CENPA: variants seen among roughly 807,000 people sequenced by gnomAD.
The protein encoded by CENPA is histone H3-like centromeric protein A.
CENPA carries 7 observed loss-of-function variants against 17.2 expected under a neutral mutation model. The ratio of observed to expected loss-of-function variants is 0.41; its 90% CI spans 0.23 to 0.76. CENPA has a LOEUF of 0.76. CENPA is among the 30% of genes least tolerant of loss of function. The pLI, the probability that CENPA is intolerant of heterozygous loss-of-function variation, is 0.34. For synonymous variants in CENPA, 82 were observed against 77.4 expected (o/e 1.06, Z -0.31); for missense variants, 149 against 193.1 (o/e 0.77, Z 1.35).
At chr2:26,792,052 C>A in intron 1 of CENPA, 79 bp from the exon 2 acceptor site, 1 of 1,166,010 alleles carries the variant, frequency 8.6e-7, no homozygotes, top group Non-Finnish European at 1.3e-6. Flanking sequence ...TATAGTCTAG[C>A]AATTTGACAG....
Position 26,792,228 on chromosome 2 carries a change from C to T in CENPA, c.198C>T (p.Pro66=), listed in dbSNP as rs1031103638. 3 of 1,613,106 alleles carry T rather than the reference C, an allele frequency of 1.9e-6. No individual in the cohort carries two copies. Among genetic ancestry groups the T allele is most frequent in the Non-Finnish European group, 2.5e-6 (3 of 1,179,594 alleles). Residue 66 remains proline, a synonymous_variant, in exon 2 of 5, where the codon CCC becomes CCT. Coordinates refer to ENST00000335756, the MANE Select transcript of CENPA (RefSeq NM_001809.4). Reference sequence around the variant, plus strand: ...CACACCTCTTGATAAGGAAGCTGCCCTTCAGCCGCCTGGTAAGCTCCGGGA... The same window carrying T: ...CACACCTCTTGATAAGGAAGCTGCCTTTCAGCCGCCTGGTAAGCTCCGGGA... ...KSTHLLIRKL[P]FSRLAREICV...
At position 26,794,465 on chromosome 2, in the gene CENPA, T is replaced by G. The variant is rs1298829424; in HGVS notation, c.*701T>G. ...TAACTTGGAGAATTTAACATTTTAC[T>G]CTTGTAAATCATAGAAGATGTATCA... On this transcript the variant is annotated 3_prime_UTR_variant, in exon 5 of 5. Transcript: ENST00000335756. 6.6e-6 allele frequency: 1 copy of G among 152,248 alleles called. No homozygotes were observed. Among genetic ancestry groups the G allele is most frequent in the African/African-American group, 2.4e-5 (1 of 41,462 alleles). The allele number at this position is 152,248 out of a possible 1,614,324, so 9.4% of individuals were successfully genotyped here.
At position 26,786,154 on chromosome 2, in the gene CENPA, C is replaced by T; in HGVS notation, c.-43C>T. ...TCGCTCCCGGACCCGGCAGCCCGAG[C>T]AGGAGCCGTGGGACCGGGCGCCAGC... On this transcript the variant is annotated 5_prime_UTR_variant, in exon 1 of 5. Transcript: ENST00000335756. 2 of 1,397,882 alleles carry T rather than the reference C, an allele frequency of 1.4e-6. No homozygotes were observed. Among genetic ancestry groups the T allele is most frequent in the Non-Finnish European group, 1.8e-6 (2 of 1,083,618 alleles). The allele number at this position is 1,397,882 out of a possible 1,614,324, so 86.6% of individuals were successfully genotyped here.
Position 26,786,305 on chromosome 2 carries a change from C to A in CENPA, c.100+9C>A. On this transcript the variant is annotated intron_variant, in intron 1 of 4. Coordinates refer to ENST00000335756, the MANE Select transcript of CENPA (RefSeq NM_001809.4). The stretch of plus-strand genomic sequence containing the variant: ...GCGGGGCCCCTCCTTAGGTAACCGG[C>A]CGCGGCCCCATCTCGAAGAGGAGAA... 1 of 1,316,634 alleles carries A rather than the reference C, an allele frequency of 7.6e-7. No homozygotes were observed. Among genetic ancestry groups the A allele is most frequent in the Non-Finnish European group, 9.7e-7 (1 of 1,034,322 alleles). 81.6% of individuals were successfully genotyped at this position (1,316,634 alleles called of 1,614,324 possible). A position where few individuals can be genotyped will look rare whatever the true frequency, so the allele number is the denominator to read the frequency against.
chr2:26,792,517 C>T (rs769062295), intron 2 of CENPA: 2 of 713,162 alleles, frequency 2.8e-6, no homozygotes, highest in South Asian at 3.0e-5. Context: ...TTTTCCTATC[C>T]TGGGAGATTG....
At chr2:26,786,780 A>G (rs1188108161) in intron 1 of CENPA, among the ~76,000 whole-genome samples, 2 of 152,178 alleles carry the variant, frequency 1.3e-5, no homozygotes, top group African/African-American at 4.8e-5. Flanking sequence ...TTCAAACAGG[A>G]GTCCTCTTAG....
rs150615508 is a variant in CENPA, at chr2:26,793,324, G to C, written c.*45G>C. ...CTGTCAGTCTTTCCTGCTCAGCCAG[G>C]GGGTAAGCTCATCCTCTTTCACAGG... On this transcript the variant is annotated splice_region_variant and 3_prime_UTR_variant, in exon 4 of 5. Transcript: ENST00000335756. 20 of 1,605,300 alleles carry C rather than the reference G, an allele frequency of 1.2e-5. No individual in the cohort carries two copies. The East Asian group carries it at 2.0e-4, about 16-fold the overall frequency.
At position 26,794,514 on chromosome 2, in the gene CENPA, C is replaced by T. The variant is rs1250547530; in HGVS notation, c.*750C>T. On this transcript the variant is annotated 3_prime_UTR_variant, in exon 5 of 5. Transcript: ENST00000335756. Reference sequence around the variant, plus strand: ...CATAACAGTTCAGAATTTTAAAGTACATTTTCGATGCTTTTATGGGTATTT... The same window carrying T: ...CATAACAGTTCAGAATTTTAAAGTATATTTTCGATGCTTTTATGGGTATTT... 1 of 152,168 alleles carries T rather than the reference C, an allele frequency of 6.6e-6. No homozygotes were observed. Among genetic ancestry groups the T allele is most frequent in the Non-Finnish European group, 1.5e-5 (1 of 68,034 alleles). 9.4% of individuals were successfully genotyped at this position (152,168 alleles called of 1,614,324 possible).
At chr2:26,793,604 C>G (rs1014675654) in intron 4 of CENPA, among the ~76,000 whole-genome samples, 2 of 152,190 alleles carry the variant, frequency 1.3e-5, no homozygotes, top group African/African-American at 2.4e-5. Flanking sequence ...GTGTTGCCAT[C>G]GTGGCTCACT....
chr2:26,789,496 C>G (rs1572640961), intron 1 of CENPA, among the ~76,000 whole-genome samples: 1 of 152,048 alleles, frequency 6.6e-6, no homozygotes, highest in Non-Finnish European at 1.5e-5. Context: ...CATACATTGA[C>G]AGCTCTCAAA....
chr2:26,786,263 A>AC lies in CENPA; in HGVS notation c.72dup (p.Gly25ArgfsTer53). ...GAGGCGCAGCCCGAGCCCGACCCCG[A>AC]CCCCCGGCCCCTCCCGGCGGGGCCC... On this transcript the variant is annotated frameshift_variant, in exon 1 of 5. Transcript: ENST00000335756. LOFTEE classifies it high-confidence loss of function. 1 of 1,351,070 alleles carries AC rather than the reference A, an allele frequency of 7.4e-7. No individual in the cohort carries two copies. Among genetic ancestry groups the AC allele is most frequent in the Non-Finnish European group, 9.5e-7 (1 of 1,057,768 alleles). 83.7% of individuals were successfully genotyped at this position (1,351,070 alleles called of 1,614,324 possible). A position where few individuals can be genotyped will look rare whatever the true frequency, so the allele number is the denominator to read the frequency against.
chr2:26,792,479 A>G (rs1664638540), intron 2 of CENPA: 2 of 711,912 alleles, frequency 2.8e-6, no homozygotes, highest in Admixed American at 2.0e-5. Flanking sequence ...ATAAATAGGA[A>G]CTCTCTCGTT....
At chr2:26,787,831 C>T (rs1374217210) in intron 1 of CENPA, among the ~76,000 whole-genome samples, 1 of 152,172 alleles carries the variant, frequency 6.6e-6, no homozygotes, top group Non-Finnish European at 1.5e-5. Flanking sequence ...GCTGAATTCT[C>T]GTTCACCCTA....
At chr2:26,786,755 G>A (rs1664515059) in intron 1 of CENPA, among the ~76,000 whole-genome samples, 1 of 152,240 alleles carries the variant, frequency 6.6e-6, no homozygotes, top group Non-Finnish European at 1.5e-5. Context: ...AGTATTGACT[G>A]CTTTCGGTGA....
At chr2:26,786,384 T>G in intron 1 of CENPA, 88 bp downstream of exon 1, 74 of 1,225,996 alleles carry the variant, frequency 6.0e-5, no homozygotes, top group Middle Eastern at 2.2e-4. Flanking sequence ...CCCGTGGCAC[T>G]TCCCTGTTGG....
Position 26,786,305 on chromosome 2 carries a change from C to G in CENPA, c.100+9C>G. The G allele has an allele frequency of 7.6e-7, 1 of 1,316,634 alleles. No homozygotes were observed. Among genetic ancestry groups the G allele is most frequent in the Non-Finnish European group, 9.7e-7 (1 of 1,034,322 alleles). 81.6% of individuals were successfully genotyped at this position (1,316,634 alleles called of 1,614,324 possible). On this transcript the variant is annotated intron_variant, in intron 1 of 4. Coordinates refer to ENST00000335756, the MANE Select transcript of CENPA (RefSeq NM_001809.4). The stretch of plus-strand genomic sequence containing the variant: ...GCGGGGCCCCTCCTTAGGTAACCGG[C>G]CGCGGCCCCATCTCGAAGAGGAGAA...
chr2:26,792,211 T>C lies in CENPA; in HGVS notation c.181T>C (p.Leu61=). Residue 61 remains leucine, a synonymous_variant, in exon 2 of 5, where the codon TTG becomes CTG. Transcript: ENST00000335756. ...AAAGCTTCAGAAGAGCACACACCTC[T>C]TGATAAGGAAGCTGCCCTTCAGCCG... The part of the protein sequence containing the change: ...IRKLQKSTHL[L]IRKLPFSRLA... 1 of 1,613,828 alleles carries C rather than the reference T, an allele frequency of 6.2e-7. No individual in the cohort carries two copies. The highest frequency in any genetic ancestry group is 8.5e-7 in the Non-Finnish European group (1 of 1,179,884).
chr2:26,792,883 G>A (rs773753686), intron 3 of CENPA, 50 bp downstream of exon 3: 89 of 1,542,132 alleles, frequency 5.8e-5, no homozygotes, highest in Non-Finnish European at 7.6e-5. Context: ...GGGAGAAAGA[G>A]GCAGCCTAGA....
intron 1 of CENPA, among the ~76,000 whole-genome samples, chr2:26,788,550 G>A (rs2148066105): frequency 6.6e-6 from 1 of 152,150 alleles, no homozygotes; most frequent in South Asian, 2.1e-4. Context: ...CCTTCTACAT[G>A]GGGTCTTGGT....
Sources: allele counts gnomAD v4.1 joint callset (sites outside exome capture counted in the v4.1 genomes callset), GRCh38; gene constraint gnomAD v4.1.1; transcripts MANE v1.5; gene names NCBI Gene and HGNC (gene_info 2026-07-23, HGNC 2026-07-21).